The following XRCC4 variants were observed in gnomAD, a reference collection of about 807,000 sequenced individuals.
The protein encoded by XRCC4 is DNA repair protein XRCC4.
Under a neutral mutation model 39.1 loss-of-function variants are expected in XRCC4, and 28 were observed. The ratio of observed to expected loss-of-function variants is 0.72; its 90% CI spans 0.53 to 0.98. The LOEUF (loss-of-function observed/expected upper bound fraction) is 0.98, where lower values mean the gene tolerates loss of function less well. Ranked by LOEUF, XRCC4 falls within the 50% of genes least tolerant of loss-of-function variation. The pLI, the probability that XRCC4 is intolerant of heterozygous loss-of-function variation, is 0.00. For synonymous variants in XRCC4, 123 were observed against 126.4 expected (o/e 0.97, Z 0.18); for missense variants, 350 against 376.4 (o/e 0.93, Z 0.58).
chr5:83,164,707 C>T (rs1199865009), intron 3 of XRCC4, among the ~76,000 whole-genome samples: 1 of 152,038 alleles, frequency 6.6e-6, no homozygotes, highest in Non-Finnish European at 1.5e-5. Flanking sequence ...ATTTTTATTT[C>T]CCAATTATAC....
chr5:83,174,199 A>C (rs948757165), intron 3 of XRCC4, among the ~76,000 whole-genome samples: 1 of 152,166 alleles, frequency 6.6e-6, no homozygotes, highest in African/African-American at 2.4e-5. Context: ...TAGTTTTGTG[A>C]ACTGGTTTAT....
intron 6 of XRCC4, among the ~76,000 whole-genome samples, chr5:83,248,315 C>T (rs1398553153): frequency 6.6e-6 from 1 of 152,082 alleles, no homozygotes; most frequent in Admixed American, 6.6e-5. Flanking sequence ...CTTGATCAGA[C>T]TTGCATTTTT....
At chr5:83,135,114 A>G (rs1252442622) in intron 3 of XRCC4, among the ~76,000 whole-genome samples, 1 of 152,198 alleles carries the variant, frequency 6.6e-6, no homozygotes, top group East Asian at 1.9e-4. Context: ...ACACACAGGT[A>G]CCGTCTGTCA....
At chr5:83,238,562 CAAAAAT>C (rs1752785110) in intron 6 of XRCC4, among the ~76,000 whole-genome samples, 1 of 151,200 alleles carries the variant, frequency 6.6e-6, no homozygotes, top group Non-Finnish European at 1.5e-5. Flanking sequence ...TTAAATAAGA[CAAAAAT>C]AAATATTAAA....
At chr5:83,097,900 A>C (rs1024263566) in intron 1 of XRCC4, among the ~76,000 whole-genome samples, 1 of 152,108 alleles carries the variant, frequency 6.6e-6, no homozygotes, top group Non-Finnish European at 1.5e-5. Flanking sequence ...AATATGAAGG[A>C]AGTTATAGTC....
At chr5:83,369,642 A>G in the XRCC4 span, among the ~76,000 whole-genome samples, 22 of 152,252 alleles carry the variant, frequency 1.4e-4, no homozygotes, top group African/African-American at 5.1e-4. Flanking sequence ...TCTTTATCCA[A>G]TCCACTATTG....
intron 2 of XRCC4, among the ~76,000 whole-genome samples, chr5:83,106,785 A>T (rs1746219134): frequency 6.6e-6 from 1 of 152,022 alleles, no homozygotes; most frequent in Admixed American, 6.6e-5. Flanking sequence ...CTTTGCAATT[A>T]TCTAGACCGG....
At chr5:83,357,963 A>C (rs1258812802), downstream of XRCC4, among the ~76,000 whole-genome samples, 1 of 152,202 alleles carries the variant, frequency 6.6e-6, no homozygotes, top group Non-Finnish European at 1.5e-5. Context: ...TAAGACAAGA[A>C]ATCCCAAAAA....
chr5:83,344,130 T>TCACACACA (rs61032306), intron 7 of XRCC4, among the ~76,000 whole-genome samples: 68 of 148,204 alleles, frequency 4.6e-4, no homozygotes, highest in African/African-American at 1.5e-3. Flanking sequence ...GACACAGATC[T>TCACACACA]CACACACACA....
At chr5:83,199,182 C>T (rs539404488) in intron 4 of XRCC4, among the ~76,000 whole-genome samples, 25 of 152,174 alleles carry the variant, frequency 1.6e-4, no homozygotes, top group African/African-American at 5.3e-4. Flanking sequence ...GAATTCAGTC[C>T]GATTTTTAAA....
intron 1 of XRCC4, among the ~76,000 whole-genome samples, chr5:83,081,358 TA>T (rs1744933510): frequency 1.3e-5 from 2 of 152,322 alleles, no homozygotes; most frequent in South Asian, 2.1e-4. Flanking sequence ...CTAGCCTCCC[TA>T]ACCTCAGGTA....
At chr5:83,135,861 G>A (rs1561353912) in intron 3 of XRCC4, among the ~76,000 whole-genome samples, 1 of 151,664 alleles carries the variant, frequency 6.6e-6, no homozygotes, top group Non-Finnish European at 1.5e-5. Flanking sequence ...CTTAATCTTT[G>A]TTATTTTTGG....
At chr5:83,109,574 C>T (rs569734026) in intron 2 of XRCC4, among the ~76,000 whole-genome samples, 2 of 151,852 alleles carry the variant, frequency 1.3e-5, no homozygotes, top group African/African-American at 4.8e-5. Flanking sequence ...CAACAAATAA[C>T]GAGATTGAAT....
At chr5:83,262,805 T>C (rs1362923570) in intron 7 of XRCC4, among the ~76,000 whole-genome samples, 1 of 150,966 alleles carries the variant, frequency 6.6e-6, no homozygotes, top group East Asian at 2.0e-4. Flanking sequence ...GTTTTTTATT[T>C]AATTAGCTAG....
At chr5:83,203,406 T>G in intron 4 of XRCC4, 146 bp from the exon 5 acceptor site, 1 of 602,442 alleles carries the variant, frequency 1.7e-6, no homozygotes, top group African/African-American at 1.9e-5. Context: ...TTTAACCATC[T>G]TTATAAAACT....
In XRCC4 at chr5:83,353,329, C is replaced by A; in HGVS notation, c.*87C>A. 1.0e-6 allele frequency: 1 copy of A among 1,004,662 alleles called. No individual in the cohort carries two copies. The highest frequency in any genetic ancestry group is 1.5e-6 in the Non-Finnish European group (1 of 682,140). The allele number at this position is 1,004,662 out of a possible 1,614,324, so 62.2% of individuals were successfully genotyped here. ...AAAAAGGAGAATTTCAAGTCAGCAG[C>A]CGCTATTACCGTATCTTACAATTTA... On this transcript the variant is annotated 3_prime_UTR_variant, in exon 8 of 8. Coordinates refer to ENST00000396027, the MANE Select transcript of XRCC4 (RefSeq NM_003401.5).
chr5:83,217,920 A>T (rs572017416), intron 6 of XRCC4, among the ~76,000 whole-genome samples: 2 of 152,214 alleles, frequency 1.3e-5, no homozygotes, highest in South Asian at 2.1e-4. Flanking sequence ...TGTGACCAGG[A>T]TTGCATAAAG....
At chr5:83,208,624 G>T (rs1226866129) in intron 6 of XRCC4, among the ~76,000 whole-genome samples, 1 of 151,820 alleles carries the variant, frequency 6.6e-6, no homozygotes, top group Non-Finnish European at 1.5e-5. Flanking sequence ...TGATAATGTA[G>T]ATCAGTCTAA....
At chr5:83,111,709 T>G (rs1217341130) in intron 3 of XRCC4, among the ~76,000 whole-genome samples, 1 of 152,148 alleles carries the variant, frequency 6.6e-6, no homozygotes, top group Non-Finnish European at 1.5e-5. Flanking sequence ...AGAAATAACT[T>G]GAAGCCTAAG....
Sources: gnomAD v4.1 joint callset for allele counts (sites outside exome capture counted in the v4.1 genomes callset) on GRCh38, gnomAD v4.1.1 for gene constraint, MANE v1.5 for transcripts, NCBI Gene and HGNC (gene_info 2026-07-23, HGNC 2026-07-21) for gene names.